FRMD6: variants seen among roughly 807,000 people sequenced by gnomAD.
FRMD6 encodes the protein FERM domain-containing protein 6.
In FRMD6, 37 loss-of-function variants were observed where a neutral mutation model predicts 73.2. That is an observed-to-expected ratio of 0.51 (90% confidence interval 0.39 to 0.66). FRMD6 has a LOEUF of 0.66. Among genes scored for constraint, FRMD6 ranks in the 30% least tolerant of loss-of-function variants. FRMD6 has a pLI of 0.00. For missense variants in FRMD6, 714 were observed against 780.5 expected (o/e 0.91, Z 1.02); for synonymous variants, 273 against 282.2 (o/e 0.97, Z 0.33).
At chr14:51,598,811 G>T (rs904011013) in intron 2 of FRMD6, among the ~76,000 whole-genome samples, 1 of 152,156 alleles carries the variant, frequency 6.6e-6, no homozygotes, top group African/African-American at 2.4e-5. Flanking sequence ...TGGGCACCTA[G>T]GTTAATTCTG....
chr14:51,441,587 G>A, the FRMD6 span, among the ~76,000 whole-genome samples: 1 of 152,232 alleles, frequency 6.6e-6, no homozygotes, highest in Admixed American at 6.5e-5. Flanking sequence ...CTTACTAGGA[G>A]CCTTGGTCCA....
chr14:51,712,066 G>C (rs1896973596), intron 8 of FRMD6, among the ~76,000 whole-genome samples: 1 of 152,150 alleles, frequency 6.6e-6, no homozygotes, highest in African/African-American at 2.4e-5. Flanking sequence ...TAGCAGGTGA[G>C]ACAGTGTTAT....
At chr14:51,689,639 T>A (rs1895404270) in intron 1 of FRMD6, 52 bp from the exon 2 acceptor site, 2 of 586,324 alleles carry the variant, frequency 3.4e-6, no homozygotes, top group Middle Eastern at 4.6e-4. Context: ...GACGCGCTCT[T>A]CGCAGTCTTC....
intron 1 of FRMD6, among the ~76,000 whole-genome samples, chr14:51,687,816 A>G (rs936986893): frequency 5.3e-5 from 8 of 152,168 alleles, no homozygotes; most frequent in African/African-American, 1.9e-4. Context: ...TCTATTATAA[A>G]GATGATGTGA....
intron 12 of FRMD6, among the ~76,000 whole-genome samples, chr14:51,725,564 T>C (rs138920853): frequency 4.7e-4 from 71 of 152,360 alleles, no homozygotes; most frequent in African/African-American, 1.7e-3. Context: ...TCTTACACTC[T>C]AACCCTACTT....
chr14:51,539,216 C>T (rs1038008422), intron 1 of FRMD6, among the ~76,000 whole-genome samples: 1 of 152,080 alleles, frequency 6.6e-6, no homozygotes, highest in Admixed American at 6.6e-5. Flanking sequence ...CTGGATGTCA[C>T]CCTTCTGAAT....
Position 51,630,591 on chromosome 14 carries a change from A to G in FRMD6, c.-146-59100A>G, listed in dbSNP as rs1475384970. On this transcript the variant is annotated intron_variant, in intron 2 of 14. Transcript: ENST00000356218. ...AAAGACCCTGTCTCCACAAGAAAAT[A>G]AAAAAAGTAGCCAGGCATGGTGGCA... Among the ~76,000 whole-genome samples the G allele has an allele frequency of 1.3e-5, 2 of 152,130 alleles. 1 individual carries two copies. Among genetic ancestry groups the G allele is most frequent in the African/African-American group, 4.8e-5 (2 of 41,416 alleles).
At chr14:51,500,671 T>C (rs1338034639) in intron 1 of FRMD6, among the ~76,000 whole-genome samples, 1 of 152,206 alleles carries the variant, frequency 6.6e-6, no homozygotes, top group Non-Finnish European at 1.5e-5. Context: ...GAATCATTAA[T>C]GTGTCTTCAG....
the FRMD6 span, among the ~76,000 whole-genome samples, chr14:51,475,057 C>A: frequency 6.6e-6 from 1 of 152,166 alleles, no homozygotes; most frequent in Non-Finnish European, 1.5e-5. Context: ...ACTTCCAATG[C>A]ATAGATGTAC....
intron 1 of FRMD6, among the ~76,000 whole-genome samples, chr14:51,508,485 C>T (rs1056688205): frequency 2.0e-5 from 3 of 152,212 alleles, no homozygotes; most frequent in African/African-American, 7.2e-5. Flanking sequence ...CACTCAAGCC[C>T]CTGCTTGTCC....
chr14:51,434,437 A>T, the FRMD6 span, among the ~76,000 whole-genome samples: 1 of 152,174 alleles, frequency 6.6e-6, no homozygotes, highest in African/African-American at 2.4e-5. Flanking sequence ...TCAAAAACTG[A>T]TGGGGACATG....
chr14:51,416,244 T>G, the FRMD6 span, among the ~76,000 whole-genome samples: 1 of 152,242 alleles, frequency 6.6e-6, no homozygotes, highest in Non-Finnish European at 1.5e-5. Flanking sequence ...ATTGTGATGT[T>G]AGGGTGTCAA....
Position 51,570,100 on chromosome 14 carries a change from C to A in FRMD6, c.-209-248C>A, listed in dbSNP as rs1330493930. Among the ~76,000 whole-genome samples, 5 of 152,124 alleles carry A rather than the reference C, an allele frequency of 3.3e-5. No homozygotes were observed. The South Asian group carries it at 6.2e-4, about 19-fold the overall frequency. On this transcript the variant is annotated intron_variant, in intron 1 of 14. Coordinates refer to the FRMD6 transcript ENST00000356218. ...AAAGTGCTGGGATTACAGACGTGAG[C>A]CACTGCGCCCGGCCCATGAGCCACC...
intron 1 of FRMD6, among the ~76,000 whole-genome samples, chr14:51,564,860 G>T (rs1342554420): frequency 6.6e-6 from 1 of 152,170 alleles, no homozygotes; most frequent in Non-Finnish European, 1.5e-5. Flanking sequence ...TATAGGAAAA[G>T]AAATGTGTGT....
chr14:51,643,022 G>T (rs929244057), intron 2 of FRMD6, among the ~76,000 whole-genome samples: 9 of 152,160 alleles, frequency 5.9e-5, no homozygotes, highest in African/African-American at 2.2e-4. Flanking sequence ...GGGAGAAAAT[G>T]CCTGACCAAG....
At chr14:51,580,587 T>C (rs1403090095) in intron 2 of FRMD6, among the ~76,000 whole-genome samples, 1 of 152,090 alleles carries the variant, frequency 6.6e-6, no homozygotes, top group Non-Finnish European at 1.5e-5. Flanking sequence ...CTACCCAATA[T>C]AGAATGGTTG....
intron 2 of FRMD6, among the ~76,000 whole-genome samples, chr14:51,690,432 C>T (rs576924808): frequency 6.6e-6 from 1 of 152,152 alleles, no homozygotes; most frequent in East Asian, 1.9e-4. Context: ...GTCACCCAGG[C>T]TGGAGTGTAG....
chr14:51,495,145 T>G (rs1199714121), intron 1 of FRMD6, among the ~76,000 whole-genome samples: 1 of 152,190 alleles, frequency 6.6e-6, no homozygotes, highest in African/African-American at 2.4e-5. Context: ...CACAAAACAC[T>G]AAGACAAAGA....
chr14:51,647,833 T>C (rs1038968942), upstream of FRMD6, among the ~76,000 whole-genome samples: 1 of 152,162 alleles, frequency 6.6e-6, no homozygotes, highest in Non-Finnish European at 1.5e-5. Context: ...TATTAATTAA[T>C]TAATTTATTG....
Sources: gnomAD v4.1 joint callset for allele counts (sites outside exome capture counted in the v4.1 genomes callset) on GRCh38, gnomAD v4.1.1 for gene constraint, MANE v1.5 for transcripts, NCBI Gene and HGNC (gene_info 2026-07-23, HGNC 2026-07-21) for gene names.